The following EIPR1 variants were observed in gnomAD, a reference collection of about 807,000 sequenced individuals.
EIPR1 encodes EARP complex and GARP complex interacting protein 1.
EIPR1 carries 25 observed loss-of-function variants against 48.1 expected under a neutral mutation model. The observed-to-expected ratio is 0.52, with a 90% CI of 0.38 to 0.73. EIPR1 has a LOEUF of 0.73. Among genes scored for constraint, EIPR1 ranks in the 30% least tolerant of loss-of-function variants. The pLI is 0.00. For missense variants in EIPR1, 415 were observed against 506.2 expected (o/e 0.82, Z 1.73); for synonymous variants, 204 against 201.9 (o/e 1.01, Z -0.09).
Position 3,340,464 on chromosome 2 carries a change from C to A in EIPR1, c.127-2315G>T, listed in dbSNP as rs12615114. Among the ~76,000 whole-genome samples, 299 of 152,362 alleles carry A rather than the reference C, an allele frequency of 2.0e-3. 6 individuals are homozygous for A. In the East Asian group the frequency reaches 0.051, roughly 26 times the overall value. ...CAGTGAACAGCTTCCAATTACAAATCACACATCTAAGAACCAGAGAAATGA... is the reference window on the plus strand; with the variant it reads ...CAGTGAACAGCTTCCAATTACAAATAACACATCTAAGAACCAGAGAAATGA... On this transcript the variant is annotated intron_variant, in intron 2 of 8. Coordinates refer to ENST00000382125, the MANE Select transcript of EIPR1 (RefSeq NM_003310.5).
intron 3 of EIPR1, among the ~76,000 whole-genome samples, chr2:3,320,918 T>TA (rs895029062): frequency 3.3e-5 from 5 of 152,064 alleles, no homozygotes; most frequent in East Asian, 1.9e-4. Context: ...TTGTTAGTCT[T>TA]AAAAAAAATT....
At chr2:3,203,221 T>C (rs1665110261) in intron 5 of EIPR1, among the ~76,000 whole-genome samples, 1 of 152,152 alleles carries the variant, frequency 6.6e-6, no homozygotes, top group Admixed American at 6.5e-5. Flanking sequence ...AGAGCCAGGG[T>C]GAATGATAAT....
intron 3 of EIPR1, among the ~76,000 whole-genome samples, chr2:3,291,529 C>T (rs1668365923): frequency 6.6e-6 from 1 of 152,166 alleles, no homozygotes; most frequent in African/African-American, 2.4e-5. Context: ...ATAAAAACGT[C>T]ATAATTTAAA....
intron 3 of EIPR1, among the ~76,000 whole-genome samples, chr2:3,282,020 G>T (rs769979553): frequency 6.6e-6 from 1 of 152,212 alleles, no homozygotes; most frequent in Non-Finnish European, 1.5e-5. Context: ...CACTGCGTAC[G>T]TGGAAATGAG....
chr2:3,372,187 G>T (rs1432470900), intron 1 of EIPR1, among the ~76,000 whole-genome samples: 6 of 150,520 alleles, frequency 4.0e-5, no homozygotes, highest in African/African-American at 2.4e-5. Context: ...AAACCAATGA[G>T]AACAAAGACA....
At chr2:3,255,458 C>A (rs1047052235) in intron 4 of EIPR1, among the ~76,000 whole-genome samples, 3 of 152,232 alleles carry the variant, frequency 2.0e-5, no homozygotes, top group African/African-American at 7.2e-5. Flanking sequence ...GCTGGGATTA[C>A]AGGTGTGAGC....
At chr2:3,349,773 T>C (rs1670515252) in intron 2 of EIPR1, among the ~76,000 whole-genome samples, 2 of 151,954 alleles carry the variant, frequency 1.3e-5, no homozygotes, top group Non-Finnish European at 1.5e-5. Context: ...CACTGCAAGA[T>C]GGGGACACAG....
At chr2:3,309,731 A>T (rs1669063538) in intron 3 of EIPR1, among the ~76,000 whole-genome samples, 2 of 152,200 alleles carry the variant, frequency 1.3e-5, no homozygotes, top group Admixed American at 1.3e-4. Flanking sequence ...CACTGACTTG[A>T]GACCCCAAAA....
chr2:3,337,160 G>A (rs1003686897), intron 3 of EIPR1, among the ~76,000 whole-genome samples: 9 of 151,766 alleles, frequency 5.9e-5, no homozygotes, highest in South Asian at 2.1e-4. Flanking sequence ...GAAAAGGGAA[G>A]GGAAACACAC....
At chr2:3,307,446 A>T (rs1668981713) in intron 3 of EIPR1, among the ~76,000 whole-genome samples, 1 of 152,288 alleles carries the variant, frequency 6.6e-6, no homozygotes, top group Non-Finnish European at 1.5e-5. Flanking sequence ...CAGGAGCCCT[A>T]CCATGCTGGG....
At chr2:3,207,429 G>A (rs1558222974) in intron 5 of EIPR1, among the ~76,000 whole-genome samples, 1 of 152,224 alleles carries the variant, frequency 6.6e-6, no homozygotes, top group Non-Finnish European at 1.5e-5. Context: ...ACCCGTGCCT[G>A]TCCCAGCTAT....
chr2:3,341,702 G>A (rs1032039570), intron 2 of EIPR1, among the ~76,000 whole-genome samples: 9 of 152,100 alleles, frequency 5.9e-5, no homozygotes, highest in Admixed American at 5.2e-4. Flanking sequence ...AGGTGTGTGG[G>A]AGGGTGTGGG....
At chr2:3,208,948 A>G in intron 5 of EIPR1, 1 of 1,504,014 alleles carries the variant, frequency 6.6e-7, no homozygotes, top group East Asian at 2.5e-5. Context: ...GAATGTTCAG[A>G]TTCTTCCCTC....
At chr2:3,363,494 G>C (rs2103385516) in intron 1 of EIPR1, among the ~76,000 whole-genome samples, 1 of 152,210 alleles carries the variant, frequency 6.6e-6, no homozygotes, top group Non-Finnish European at 1.5e-5. Context: ...TCAAGAGTTT[G>C]GGACCAGCCT....
chr2:3,333,112 C>T (rs1378880654), intron 3 of EIPR1, among the ~76,000 whole-genome samples: 1 of 152,186 alleles, frequency 6.6e-6, no homozygotes, highest in African/African-American at 2.4e-5. Context: ...CCTGACCACC[C>T]TTCTTAAGAA....
chr2:3,252,513 C>T (rs1295708961), intron 4 of EIPR1, among the ~76,000 whole-genome samples: 1 of 152,150 alleles, frequency 6.6e-6, no homozygotes, highest in South Asian at 2.1e-4. Flanking sequence ...ATTGCTTGAA[C>T]CCGGGAGACA....
At chr2:3,273,538 A>G (rs1366291552) in intron 3 of EIPR1, among the ~76,000 whole-genome samples, 1 of 152,186 alleles carries the variant, frequency 6.6e-6, no homozygotes, top group Non-Finnish European at 1.5e-5. Flanking sequence ...CGCAAAAAAA[A>G]ACCCACTTGT....
intron 3 of EIPR1, among the ~76,000 whole-genome samples, chr2:3,310,985 G>A (rs1181322147): frequency 3.9e-5 from 6 of 151,922 alleles, no homozygotes; most frequent in Admixed American, 3.9e-4. Flanking sequence ...TTACGTACAA[G>A]ACCCCGAGCA....
chr2:3,272,643 A>G (rs912524066), intron 3 of EIPR1, among the ~76,000 whole-genome samples: 22 of 152,214 alleles, frequency 1.4e-4, no homozygotes, highest in African/African-American at 5.3e-4. Flanking sequence ...AAACAATTAC[A>G]ATAGGAACAT....
Sources: gnomAD v4.1 joint callset for allele counts (sites outside exome capture counted in the v4.1 genomes callset) on GRCh38, gnomAD v4.1.1 for gene constraint, MANE v1.5 for transcripts, NCBI Gene and HGNC (gene_info 2026-07-23, HGNC 2026-07-21) for gene names.